The following ZBTB7C variants were observed in gnomAD, a reference collection of about 807,000 sequenced individuals.
ZBTB7C encodes the protein zinc finger and BTB domain-containing protein 7C.
In ZBTB7C, 8 loss-of-function variants were observed where a neutral mutation model predicts 25.7. The observed-to-expected ratio is 0.31, with a 90% CI of 0.18 to 0.56. The LOEUF is 0.56. Ranked by LOEUF, ZBTB7C falls within the 20% of genes least tolerant of loss-of-function variation. ZBTB7C has a pLI of 0.91. For missense variants in ZBTB7C, 824 were observed against 855.2 expected, an observed-to-expected ratio of 0.96 and a Z score of 0.46; for synonymous variants, 394 against 369.0, an observed-to-expected ratio of 1.07 and a Z score of -0.78.
At chr18:48,218,032 A>ACAC (rs572837257) in intron 2 of ZBTB7C, among the ~76,000 whole-genome samples, 10 of 152,228 alleles carry the variant, frequency 6.6e-5, no homozygotes, top group African/African-American at 2.4e-4. Flanking sequence ...GGAGACTGCC[A>ACAC]CACCACCACC....
rs150742241 is a variant in ZBTB7C, at chr18:48,393,695, C to T, written c.-304+15531G>A. On this transcript the variant is annotated intron_variant, in intron 1 of 4. Transcript: ENST00000590800. Reference sequence around the variant, plus strand: ...CACACAGAGGACTATAGCCATCGCCCCTAATTAAAAATAAACCACAAAGGG... The same window carrying T: ...CACACAGAGGACTATAGCCATCGCCTCTAATTAAAAATAAACCACAAAGGG... Among the ~76,000 whole-genome samples the T allele has an allele frequency of 1.9e-3, 296 of 152,112 alleles. 2 individuals are homozygous for T. The highest frequency in any genetic ancestry group is 7.0e-3 in the African/African-American group (289 of 41,476).
chr18:48,047,810 A>G (rs1438991827), intron 3 of ZBTB7C, among the ~76,000 whole-genome samples: 1 of 152,206 alleles, frequency 6.6e-6, no homozygotes, highest in African/African-American at 2.4e-5. Context: ...CACGTCAGTC[A>G]TCACACCTCT....
chr18:48,026,739 T>TTC lies in ZBTB7C; in HGVS notation c.*2520_*2521insGA, dbSNP rs2035537546. On this transcript the variant is annotated 3_prime_UTR_variant, in exon 5 of 5. Transcript: ENST00000590800. ...AAAGTATAAAATAAGGGTCAAAGGT[T>TTC]TTTTTTTTTTTCTTTGTTAAGGTGT... The TTC allele has an allele frequency of 6.7e-6, 1 of 150,030 alleles. No individual in the cohort carries two copies. Among genetic ancestry groups the TTC allele is most frequent in the Non-Finnish European group, 1.5e-5 (1 of 67,490 alleles). 9.3% of individuals were successfully genotyped at this position (150,030 alleles called of 1,614,324 possible). A position where few individuals can be genotyped will look rare whatever the true frequency, so the allele number is the denominator to read the frequency against.
chr18:48,029,144 T>C lies in ZBTB7C; in HGVS notation c.*116A>G. ...ATCACTGATAGTATTATTATTATTT[T>C]CCCATTTTCCCTTTGTGTTTTTAAA... On this transcript the variant is annotated 3_prime_UTR_variant, in exon 5 of 5. Transcript: ENST00000590800. 7.6e-7 allele frequency: 1 copy of C among 1,320,640 alleles called. No individual in the cohort carries two copies. Among genetic ancestry groups the C allele is most frequent in the Middle Eastern group, 2.7e-4 (1 of 3,722 alleles). The allele number at this position is 1,320,640 out of a possible 1,614,324, so 81.8% of individuals were successfully genotyped here.
At chr18:48,054,671 G>A (rs138260476) in intron 3 of ZBTB7C, among the ~76,000 whole-genome samples, 5 of 152,080 alleles carry the variant, frequency 3.3e-5, no homozygotes, top group East Asian at 1.9e-4. Flanking sequence ...CACGAGAACC[G>A]CCTGGCATTT....
chr18:48,041,534 G>T (rs1308385645), intron 3 of ZBTB7C: 1 of 985,230 alleles, frequency 1.0e-6, no homozygotes, highest in Non-Finnish European at 1.2e-6. Flanking sequence ...ACCTCTCAGT[G>T]CTTCTGCTGA....
chr18:48,389,226 CTCTCTCTCTCGTGTGTGT>C (rs1237324093), intron 1 of ZBTB7C, among the ~76,000 whole-genome samples: 1,401 of 109,114 alleles, frequency 0.013, 6 homozygotes, highest in South Asian at 0.032. Flanking sequence ...CTCTCTCTCT[CTCTCTCTCTCGTGTGTGT>C]GTGTGTGTGT....
At chr18:48,076,375 C>T (rs1371805784) in intron 3 of ZBTB7C, among the ~76,000 whole-genome samples, 1 of 151,954 alleles carries the variant, frequency 6.6e-6, no homozygotes, top group African/African-American at 2.4e-5. Context: ...TGGTAAGGAC[C>T]TAGAAAAGAA....
chr18:48,160,523 C>T (rs2040975466), intron 3 of ZBTB7C, among the ~76,000 whole-genome samples: 1 of 152,138 alleles, frequency 6.6e-6, no homozygotes, highest in South Asian at 2.1e-4. Flanking sequence ...TCTATTAAAC[C>T]CAGGACTGGG....
Position 48,246,926 on chromosome 18 carries a change from A to T in ZBTB7C, c.-78-60931T>A, listed in dbSNP as rs1298730124. ...GACTGAGCGGACCATGAGCACAGAT[A>T]GGTCATAGAAGAATAGCAGTGTATT... On this transcript the variant is annotated intron_variant, in intron 2 of 4. Transcript: ENST00000590800. 3.3e-5 allele frequency among the ~76,000 whole-genome samples: 5 copies of T among 152,338 alleles called. No homozygotes were observed. The East Asian group carries it at 9.6e-4, about 29-fold the overall frequency.
intron 3 of ZBTB7C, among the ~76,000 whole-genome samples, chr18:48,158,333 C>G (rs1354263773): frequency 1.3e-5 from 2 of 152,202 alleles, no homozygotes; most frequent in Non-Finnish European, 2.9e-5. Context: ...TCGCAGGCTA[C>G]AGGATGACCA....
intron 2 of ZBTB7C, among the ~76,000 whole-genome samples, chr18:48,238,903 C>T (rs1200436357): frequency 6.6e-6 from 1 of 152,148 alleles, no homozygotes; most frequent in Non-Finnish European, 1.5e-5. Flanking sequence ...GGGGCAAGAT[C>T]TCAGCCCCAC....
At chr18:48,059,525 G>A (rs948751267) in intron 3 of ZBTB7C, among the ~76,000 whole-genome samples, 3 of 152,122 alleles carry the variant, frequency 2.0e-5, no homozygotes, top group Non-Finnish European at 4.4e-5. Context: ...AATGTCCCAT[G>A]GTGTGCCTGA....
intron 1 of ZBTB7C, among the ~76,000 whole-genome samples, chr18:48,382,508 T>G (rs1433730791): frequency 3.3e-5 from 5 of 152,240 alleles, no homozygotes; most frequent in Non-Finnish European, 4.4e-5. Context: ...ATAAAAACGC[T>G]TCTTCAAAAC....
chr18:48,365,610 C>G (rs2047204836), intron 1 of ZBTB7C, among the ~76,000 whole-genome samples: 1 of 152,082 alleles, frequency 6.6e-6, no homozygotes, highest in Admixed American at 6.5e-5. Flanking sequence ...AGATGAGAAC[C>G]CAGCCCAGGC....
intron 2 of ZBTB7C, among the ~76,000 whole-genome samples, chr18:48,250,936 A>G (rs1015867433): frequency 6.6e-6 from 1 of 152,150 alleles, no homozygotes; most frequent in Non-Finnish European, 1.5e-5. Context: ...TAAAAGTAAA[A>G]TATCTGACCA....
chr18:48,247,856 C>G (rs1362281726), intron 2 of ZBTB7C, among the ~76,000 whole-genome samples: 1 of 152,214 alleles, frequency 6.6e-6, no homozygotes, highest in Non-Finnish European at 1.5e-5. Flanking sequence ...CTGCCACCCC[C>G]CTGCGAAGAG....
At chr18:48,041,880 TGTTA>T (rs939743938) in intron 3 of ZBTB7C, among the ~76,000 whole-genome samples, 22 of 152,176 alleles carry the variant, frequency 1.4e-4, no homozygotes, top group South Asian at 4.1e-4. Flanking sequence ...TCAAGTACAT[TGTTA>T]GTTAATTTTT....
chr18:48,235,066 TTG>T (rs1385054930), intron 2 of ZBTB7C, among the ~76,000 whole-genome samples: 2 of 152,220 alleles, frequency 1.3e-5, no homozygotes, highest in Non-Finnish European at 2.9e-5. Flanking sequence ...CAATTTTTTT[TTG>T]TCTCTTAAAA....
Sources: gnomAD v4.1 joint callset for allele counts (sites outside exome capture counted in the v4.1 genomes callset) on GRCh38, gnomAD v4.1.1 for gene constraint, MANE v1.5 for transcripts, NCBI Gene and HGNC (gene_info 2026-07-23, HGNC 2026-07-21) for gene names.